Variants in OSBPL10 observed in about 807,000 individuals in gnomAD.
OSBPL10 encodes the protein oxysterol-binding protein-related protein 10.
OSBPL10 carries 49 observed loss-of-function variants against 81.7 expected under a neutral mutation model. The observed-to-expected ratio is 0.60, with a 90% CI of 0.48 to 0.76. The LOEUF is 0.76. Ranked by LOEUF, OSBPL10 falls within the 30% of genes least tolerant of loss-of-function variation. OSBPL10 has a pLI of 0.00. For missense variants in OSBPL10, 923 were observed against 987.8 expected, an observed-to-expected ratio of 0.93 and a Z score of 0.88; for synonymous variants, 419 against 383.6, an observed-to-expected ratio of 1.09 and a Z score of -1.08.
chr3:32,030,897 G>A (rs1699460055), intron 2 of OSBPL10, among the ~76,000 whole-genome samples: 1 of 152,116 alleles, frequency 6.6e-6, no homozygotes, highest in African/African-American at 2.4e-5. Flanking sequence ...CGGGCGCGGT[G>A]GCTCACACCT....
At position 31,728,441 on chromosome 3, in the gene OSBPL10, C is replaced by T. The variant is rs142481186; in HGVS notation, c.1095+4816G>A. 2.6e-5 allele frequency among the ~76,000 whole-genome samples: 4 copies of T among 152,260 alleles called. No homozygotes were observed. The East Asian group carries it at 7.7e-4, about 29-fold the overall frequency. On this transcript the variant is annotated intron_variant, in intron 6 of 11. Coordinates refer to ENST00000396556, the MANE Select transcript of OSBPL10 (RefSeq NM_017784.5). Reference sequence around the variant, plus strand: ...CAGATATTTACCCTCAAATAATTAACACAACATTATTTTTCATTGCTCCCC... The same window carrying T: ...CAGATATTTACCCTCAAATAATTAATACAACATTATTTTTCATTGCTCCCC...
At chr3:31,882,591 T>C (rs1269405553) in intron 1 of OSBPL10, among the ~76,000 whole-genome samples, 1 of 152,222 alleles carries the variant, frequency 6.6e-6, no homozygotes, top group Non-Finnish European at 1.5e-5. Flanking sequence ...CCAGAACACA[T>C]TTCTCAGCCT....
rs550536773 is a variant in OSBPL10 at position 31,736,504 on chromosome 3, G to T, written c.941-3093C>A. Among the ~76,000 whole-genome samples the T allele has an allele frequency of 2.3e-4, 35 of 152,244 alleles. No homozygotes were observed. The South Asian group carries it at 6.2e-3, about 27-fold the overall frequency. ...CCCAGGATTCAAGACACTAGAATCT[G>T]CCATAAGAGAGGTGGACAGATACCT... On this transcript the variant is annotated intron_variant, in intron 5 of 11. Coordinates refer to ENST00000396556, the MANE Select transcript of OSBPL10 (RefSeq NM_017784.5).
intron 1 of OSBPL10, among the ~76,000 whole-genome samples, chr3:31,944,881 A>C (rs1697651747): frequency 7.0e-6 from 1 of 142,520 alleles, no homozygotes; most frequent in African/African-American, 2.5e-5. Flanking sequence ...GGCCAGGCAC[A>C]GTGGCTTATG....
intron 2 of OSBPL10, among the ~76,000 whole-genome samples, chr3:32,033,501 A>G (rs2125553812): frequency 6.6e-6 from 1 of 152,350 alleles, no homozygotes; most frequent in East Asian, 1.9e-4. Context: ...TCTGTATTGC[A>G]GCCAATAAAT....
At chr3:31,801,499 G>T (rs1231294364) in intron 4 of OSBPL10, among the ~76,000 whole-genome samples, 1 of 152,222 alleles carries the variant, frequency 6.6e-6, no homozygotes, top group African/African-American at 2.4e-5. Flanking sequence ...AGCATTTACT[G>T]TGAGTGTGGG....
chr3:31,902,554 C>A (rs894168362), intron 1 of OSBPL10, among the ~76,000 whole-genome samples: 1 of 151,858 alleles, frequency 6.6e-6, no homozygotes, highest in Non-Finnish European at 1.5e-5. Context: ...TGAGCCACTG[C>A]GCCCAGCCTT....
Position 31,801,558 on chromosome 3 carries a change from G to T in OSBPL10, c.729+28482C>A, listed in dbSNP as rs536825783. ...CAGAGGCCTCCCACAGCAGGCCCAG[G>T]CCCCTGAGGTCTATCCCTGCAGGAA... On this transcript the variant is annotated intron_variant, in intron 4 of 11. Transcript: ENST00000396556. 5.6e-4 allele frequency among the ~76,000 whole-genome samples: 86 copies of T among 152,258 alleles called. 1 individual carries two copies. The highest frequency in any genetic ancestry group is 2.0e-3 in the African/African-American group (84 of 41,560).
chr3:31,991,783 G>A (rs911825617), intron 2 of OSBPL10, among the ~76,000 whole-genome samples: 1 of 151,728 alleles, frequency 6.6e-6, no homozygotes, highest in African/African-American at 2.4e-5. Flanking sequence ...TTATGTTTTG[G>A]GATCTTTCTC....
chr3:31,743,737 G>C (rs1473940822), intron 5 of OSBPL10, among the ~76,000 whole-genome samples: 1 of 152,196 alleles, frequency 6.6e-6, no homozygotes, highest in African/African-American at 2.4e-5. Context: ...ATTTGGTAAT[G>C]CTTCAGGTAA....
intron 4 of OSBPL10, among the ~76,000 whole-genome samples, chr3:31,780,074 T>TCCAC (rs1559461620): frequency 2.8e-4 from 43 of 152,296 alleles, no homozygotes; most frequent in African/African-American, 1.0e-3. Context: ...AGGTGGATCA[T>TCCAC]GAGGTCAGGC....
At chr3:31,738,071 T>C (rs1697239867) in intron 5 of OSBPL10, among the ~76,000 whole-genome samples, 1 of 151,258 alleles carries the variant, frequency 6.6e-6, no homozygotes, top group South Asian at 2.1e-4. Flanking sequence ...TCCATGTTCC[T>C]GAAGGAGAGA....
At chr3:31,763,393 T>C (rs1698112133) in intron 4 of OSBPL10, among the ~76,000 whole-genome samples, 1 of 152,162 alleles carries the variant, frequency 6.6e-6, no homozygotes, top group Non-Finnish European at 1.5e-5. Flanking sequence ...AAGCATGAAA[T>C]TAAACCATTT....
chr3:31,805,460 A>G (rs1699496254), intron 4 of OSBPL10, among the ~76,000 whole-genome samples: 1 of 152,180 alleles, frequency 6.6e-6, no homozygotes, highest in Admixed American at 6.5e-5. Flanking sequence ...CAATGCAACT[A>G]TGAATTGCCT....
At chr3:31,879,958 TCCCTCCCAGATG>T (rs966868965) in intron 1 of OSBPL10, 128 bp from the exon 2 acceptor site, 7 of 986,058 alleles carry the variant, frequency 7.1e-6, no homozygotes, top group Admixed American at 2.9e-5. Flanking sequence ...AAACCAAAAG[TCCCTCCCAGATG>T]CCCATAGAAG....
chr3:31,780,557 A>G (rs1215250237), intron 4 of OSBPL10, among the ~76,000 whole-genome samples: 2 of 152,084 alleles, frequency 1.3e-5, no homozygotes, highest in African/African-American at 4.8e-5. Context: ...TTGATAGACC[A>G]GTAGCAAGAT....
At chr3:31,681,680 A>G (rs1700646530) in intron 8 of OSBPL10, among the ~76,000 whole-genome samples, 1 of 151,938 alleles carries the variant, frequency 6.6e-6, no homozygotes, top group Non-Finnish European at 1.5e-5. Flanking sequence ...CTCCCATTCC[A>G]TTCAGTCTAC....
chr3:31,744,311 C>T (rs898495916), intron 5 of OSBPL10, among the ~76,000 whole-genome samples: 4 of 152,008 alleles, frequency 2.6e-5, no homozygotes, highest in African/African-American at 7.2e-5. Flanking sequence ...GAGGCCAAGG[C>T]GGATGGATCA....
At chr3:32,055,191 C>CTTTTTTTTTTTTT (rs139735770) in intron 1 of OSBPL10, among the ~76,000 whole-genome samples, 1 of 58,246 alleles carries the variant, frequency 1.7e-5, no homozygotes, top group African/African-American at 7.4e-5. Context: ...CTATTTATAG[C>CTTTTTTTTTTTTT]TTTTTTTTTT....
Sources: gnomAD v4.1 joint callset for allele counts (sites outside exome capture counted in the v4.1 genomes callset) on GRCh38, gnomAD v4.1.1 for gene constraint, MANE v1.5 for transcripts, NCBI Gene and HGNC (gene_info 2026-07-23, HGNC 2026-07-21) for gene names.